The following ITPKC variants were observed in gnomAD, a reference collection of about 807,000 sequenced individuals.
ITPKC encodes IP3 3-kinase C.
In ITPKC, 33 loss-of-function variants were observed where a neutral mutation model predicts 67.1. The ratio of observed to expected loss-of-function variants is 0.49; its 90% CI spans 0.37 to 0.66. The LOEUF (loss-of-function observed/expected upper bound fraction) is 0.66, where lower values mean the gene tolerates loss of function less well. Among genes scored for constraint, ITPKC ranks in the 30% least tolerant of loss-of-function variants. The pLI is 0.00. For missense variants in ITPKC, 820 were observed against 892.1 expected, an observed-to-expected ratio of 0.92 and a Z score of 1.03; for synonymous variants, 341 against 359.8, an observed-to-expected ratio of 0.95 and a Z score of 0.59.
chr19:40,722,134 G>A (rs2082225598), intron 1 of ITPKC, among the ~76,000 whole-genome samples: 1 of 152,164 alleles, frequency 6.6e-6, no homozygotes, highest in Admixed American at 6.5e-5. Context: ...GACAACCCCA[G>A]TCTCTGCCAT....
intron 3 of ITPKC, among the ~76,000 whole-genome samples, chr19:40,732,676 C>T (rs2082277285): frequency 6.6e-6 from 1 of 152,128 alleles, no homozygotes. Context: ...AAGTGAACCT[C>T]CTGCCTTGGC....
chr19:40,722,282 G>A (rs2082226108), intron 1 of ITPKC, among the ~76,000 whole-genome samples: 1 of 152,058 alleles, frequency 6.6e-6, no homozygotes, highest in South Asian at 2.1e-4. Context: ...TTCCTCCTTT[G>A]TAACACCGAG....
chr19:40,736,843 T>TA (rs2082296633), intron 4 of ITPKC, 143 bp from the exon 5 acceptor site: 5 of 508,944 alleles, frequency 9.8e-6, no homozygotes, highest in African/African-American at 5.9e-5. Context: ...TTTTTTTTTT[T>TA]AAATAGAGAT....
At chr19:40,727,343 T>TA (rs2082250731) in intron 2 of ITPKC, among the ~76,000 whole-genome samples, 2 of 114,828 alleles carry the variant, frequency 1.7e-5, no homozygotes, top group Admixed American at 2.0e-4. Flanking sequence ...CAAAAATAAA[T>TA]AAATAAATAA....
intron 1 of ITPKC, among the ~76,000 whole-genome samples, chr19:40,719,892 A>C (rs927698555): frequency 1.3e-5 from 2 of 152,216 alleles, no homozygotes. Flanking sequence ...ATGCAGATCA[A>C]ATAATTCTAA....
At chr19:40,724,518 G>A (rs1187800994) in intron 1 of ITPKC, among the ~76,000 whole-genome samples, 2 of 152,110 alleles carry the variant, frequency 1.3e-5, no homozygotes, top group Non-Finnish European at 2.9e-5. Flanking sequence ...CGCTGTCTCT[G>A]TCTCTCTGTC....
chr19:40,720,002 A>G (rs979351122), intron 1 of ITPKC, among the ~76,000 whole-genome samples: 7 of 149,566 alleles, frequency 4.7e-5, no homozygotes, highest in African/African-American at 1.7e-4. Flanking sequence ...TTAAAATAGC[A>G]TCTATCTTAA....
rs771918092 is a variant in ITPKC, at chr19:40,737,011, A to C, written c.1700A>C (p.Asn567Thr). 1.9e-5 allele frequency: 30 copies of C among 1,593,646 alleles called. No individual in the cohort carries two copies. The highest frequency in any genetic ancestry group is 2.5e-5 in the Non-Finnish European group (29 of 1,168,638). ...IKKADGTCNT[N>T]FKKTQALEQV... ...AAGGCAGATGGGACCTGTAACACCAACTTCAAGAAGACGCAGGCACTGGAG... is the reference window on the plus strand; with the variant it reads ...AAGGCAGATGGGACCTGTAACACCACCTTCAAGAAGACGCAGGCACTGGAG... Residue 567 changes from asparagine to threonine, a missense_variant, in exon 5 of 7, where the codon AAC becomes ACC. This residue lies in a region of ITPKC where 339 missense variants were observed against 422.0 expected (regional missense o/e 0.80). Transcript: ENST00000263370.
In ITPKC at chr19:40,717,442, G is replaced by A. The variant is rs76358638; in HGVS notation, c.307G>A (p.Gly103Arg). Reference sequence around the variant, plus strand: ...GACTGAGCCCGCGGCAGCTGGCCTTGGAGTAGAGACCGAGAGGCCCAAGCA... The same window carrying A: ...GACTGAGCCCGCGGCAGCTGGCCTTAGAGTAGAGACCGAGAGGCCCAAGCA... ...GQTEPAAAGL[G>R]VETERPKQKT... Residue 103 changes from glycine to arginine, a missense_variant, in exon 1 of 7, where the codon GGA becomes AGA. Gly to Arg is a moderately radical substitution (Grantham distance 125). Coordinates refer to ENST00000263370, the MANE Select transcript of ITPKC (RefSeq NM_025194.3). 458 of 1,614,024 alleles carry A rather than the reference G, an allele frequency of 2.8e-4. 1 individual carries two copies. In the East Asian group the frequency reaches 9.6e-3, roughly 34 times the overall value.
rs1222410899 is a variant in ITPKC, at chr19:40,733,226, G to A, written c.1536G>A (p.Glu512=). ...CCCGTCCCCGGAAGGACATGTATGA[G>A]AAGATGGTGGCTGTGGACCCTGGGG... ...ERPRPRKDMY[E]KMVAVDPGAP... is the part of the protein sequence containing the mutation. The change falls in exon 4 of 7, where the codon GAG becomes GAA. Residue 512 remains glutamate, a synonymous_variant. Coordinates refer to ENST00000263370, the MANE Select transcript of ITPKC (RefSeq NM_025194.3). 1.2e-6 allele frequency: 2 copies of A among 1,614,256 alleles called. No homozygotes were observed. The highest frequency in any genetic ancestry group is 2.2e-5 in the South Asian group (2 of 91,088).
chr19:40,717,986 G>C lies in ITPKC; in HGVS notation c.851G>C (p.Gly284Ala), dbSNP rs372575481. ...TCCTGGACACAACCTAGCACTGACG[G>C]TTCCCAGACAGCACCTGGGACAGAC... ...DGSWTQPSTDGSQTAPGTDCL... is the reference protein window; with the variant it reads ...DGSWTQPSTDASQTAPGTDCL... Residue 284 changes from glycine to alanine, a missense_variant, in exon 1 of 7, where the codon GGT becomes GCT. Physicochemically the swap from Gly to Ala is moderately conservative, Grantham distance 60. Transcript: ENST00000263370. 1 of 1,614,028 alleles carries C rather than the reference G, an allele frequency of 6.2e-7. No individual in the cohort carries two copies. Among genetic ancestry groups the C allele is most frequent in the Non-Finnish European group, 8.5e-7 (1 of 1,180,024 alleles).
chr19:40,717,363 C>G lies in ITPKC; in HGVS notation c.228C>G (p.Leu76=). The change falls in exon 1 of 7, where the codon CTC becomes CTG. Residue 76 remains leucine (L), a synonymous_variant. Coordinates refer to ENST00000263370, the MANE Select transcript of ITPKC (RefSeq NM_025194.3). ...ACAGCGAGCCTGAGAGGGCCGGCCTCGGGCCTGCGCCGGGGACAGAGAGTC... is the reference window on the plus strand; with the variant it reads ...ACAGCGAGCCTGAGAGGGCCGGCCTGGGGCCTGCGCCGGGGACAGAGAGTC... ...SLHSEPERAG[L]GPAPGTESPQ... is the part of the protein sequence containing the mutation. 1.2e-6 allele frequency: 2 copies of G among 1,612,100 alleles called. No homozygotes were observed. Among genetic ancestry groups the G allele is most frequent in the Non-Finnish European group, 1.7e-6 (2 of 1,179,716 alleles).
chr19:40,732,497 T>C (rs1485790101), intron 3 of ITPKC, among the ~76,000 whole-genome samples: 1 of 134,652 alleles, frequency 7.4e-6, no homozygotes, highest in African/African-American at 2.8e-5. Context: ...CACCATTCCA[T>C]TGCACTCTAG....
chr19:40,732,631 T>C (rs2082277064), intron 3 of ITPKC, among the ~76,000 whole-genome samples: 1 of 151,808 alleles, frequency 6.6e-6, no homozygotes, highest in Non-Finnish European at 1.5e-5. Flanking sequence ...CGGGTCTCGC[T>C]ATGTTGCCGA....
chr19:40,735,404 G>C (rs148832404), intron 4 of ITPKC, among the ~76,000 whole-genome samples: 1 of 151,148 alleles, frequency 6.6e-6, no homozygotes, highest in Non-Finnish European at 1.5e-5. Flanking sequence ...ACAGTGGCGC[G>C]ATCACAGCTC....
In ITPKC at chr19:40,729,316, A is replaced by G. The variant is rs907858196; in HGVS notation, c.1370A>G (p.Tyr457Cys). Residue 457 changes from tyrosine to cysteine, a missense_variant, in exon 3 of 7, where the codon TAT becomes TGT. Tyr to Cys is a radical substitution (Grantham distance 194, BLOSUM62 -2). Transcript: ENST00000263370. Reference protein sequence around the residue: ...DPLRPFVPAYYGMVLQDGQTF... With the variant: ...DPLRPFVPAYCGMVLQDGQTF... ...CTGCGACCTTTCGTGCCTGCCTACT[A>G]TGGCATGGTGCTGCAGGATGGCCAG... The G allele has an allele frequency of 6.2e-7, 1 of 1,614,044 alleles. No homozygotes were observed. The highest frequency in any genetic ancestry group is 1.3e-5 in the African/African-American group (1 of 74,928).
chr19:40,718,284 G>A lies in ITPKC; in HGVS notation c.1149G>A (p.Arg383=). Residue 383 remains arginine, a synonymous_variant, in exon 1 of 7, where the codon AGG becomes AGA. Transcript: ENST00000263370. ...GAGGTGCCAGCGATCCCGAGGACAG[G>A]TCTGGGGTGAGTGGGACCCATCCTG... The part of the protein sequence containing the change: ...GGGGASDPED[R]SGSKPWKKLK... 6.6e-7 allele frequency: 1 copy of A among 1,512,102 alleles called. No individual in the cohort carries two copies. Among genetic ancestry groups the A allele is most frequent in the Non-Finnish European group, 8.8e-7 (1 of 1,136,178 alleles). The allele number at this position is 1,512,102 out of a possible 1,614,324, so 93.7% of individuals were successfully genotyped here.
intron 5 of ITPKC, 64 bp from the exon 6 acceptor site, chr19:40,737,634 G>C: frequency 4.2e-6 from 6 of 1,431,216 alleles, no homozygotes; most frequent in Non-Finnish European, 5.9e-6. Context: ...TGAGGTCAGA[G>C]CTCAAGGTGG....
intron 4 of ITPKC, among the ~76,000 whole-genome samples, chr19:40,734,629 G>T (rs927910260): frequency 1.3e-5 from 2 of 150,572 alleles, no homozygotes; most frequent in African/African-American, 4.9e-5. Context: ...TTTTTTTTGA[G>T]AAAGAGTCTC....
Sources: gnomAD v4.1 joint callset for allele counts (sites outside exome capture counted in the v4.1 genomes callset) on GRCh38, gnomAD v4.1.1 for gene constraint, gnomAD v4.1.1 regional missense constraint, MANE v1.5 for transcripts, NCBI Gene and HGNC (gene_info 2026-07-23, HGNC 2026-07-21) for gene names.